INPP5F: variants seen among roughly 807,000 people sequenced by gnomAD.
INPP5F encodes phosphatidylinositide 4-phosphatase SAC2.
In INPP5F, 97 loss-of-function variants were observed where a neutral mutation model predicts 137.2. The observed-to-expected ratio is 0.71, with a 90% CI of 0.60 to 0.84. The LOEUF is 0.84. INPP5F is among the 40% of genes least tolerant of loss of function. INPP5F has a pLI of 0.00. For missense variants in INPP5F, 1,271 were observed against 1,371.9 expected, an observed-to-expected ratio of 0.93 and a Z score of 1.16; for synonymous variants, 504 against 476.9, an observed-to-expected ratio of 1.06 and a Z score of -0.74.
chr10:119,827,986 G>A lies in INPP5F; in HGVS notation c.*206G>A. ...GCATCATTCTAGAATGTGTAGACCT[G>A]AGTAGCTTATACACTACAGAGCACT... On this transcript the variant is annotated 3_prime_UTR_variant, in exon 20 of 20. Coordinates refer to ENST00000650623, the MANE Select transcript of INPP5F (RefSeq NM_014937.4). 1 of 516,932 alleles carries A rather than the reference G, an allele frequency of 1.9e-6. No homozygotes were observed. The highest frequency in any genetic ancestry group is 3.5e-6 in the Non-Finnish European group (1 of 289,380). 32.0% of individuals were successfully genotyped at this position (516,932 alleles called of 1,614,324 possible). A position where few individuals can be genotyped will look rare whatever the true frequency, so the allele number is the denominator to read the frequency against.
intron 1 of INPP5F, among the ~76,000 whole-genome samples, chr10:119,746,297 G>A (rs1459127259): frequency 6.6e-6 from 1 of 152,114 alleles, no homozygotes; most frequent in East Asian, 1.9e-4. Context: ...ATGACTCTCC[G>A]TGACTGCTTT....
At position 119,792,199 on chromosome 10, in the gene INPP5F, C is replaced by G; in HGVS notation, c.655C>G (p.Leu219Val). 1 of 1,612,772 alleles carries G rather than the reference C, an allele frequency of 6.2e-7. No homozygotes were observed. The highest frequency in any genetic ancestry group is 1.1e-5 in the South Asian group (1 of 91,028). ...TTGGAATAAATACATGATACAAGATCTTACTGAGATTGGTGTGAGTAGTTG... is the reference window on the plus strand; with the variant it reads ...TTGGAATAAATACATGATACAAGATGTTACTGAGATTGGTGTGAGTAGTTG... ...FFWNKYMIQD[L>V]TEIGTPDVDF... is the part of the protein sequence containing the mutation. Residue 219 changes from leucine to valine, a missense_variant, in exon 6 of 20, where the codon CTT (leucine) becomes GTT (valine). By Grantham distance (32) the Leu-to-Val change is conservative. This residue lies in a region of INPP5F where 593 missense variants were observed against 712.4 expected (regional missense o/e 0.83). Transcript: ENST00000650623.
intron 1 of INPP5F, among the ~76,000 whole-genome samples, chr10:119,732,493 C>CTTTTT (rs1848104441): frequency 1.7e-5 from 2 of 118,424 alleles, no homozygotes; most frequent in Admixed American, 8.9e-5. Flanking sequence ...TTTCTTTTTT[C>CTTTTT]TTTTTTCTTT....
chr10:119,785,284 C>CTGTTTT (rs1554889589), intron 3 of INPP5F, among the ~76,000 whole-genome samples: 1 of 81,600 alleles, frequency 1.2e-5, no homozygotes, highest in Non-Finnish European at 2.7e-5. Context: ...AACTGCCAGA[C>CTGTTTT]TGTTTTTTTT....
At chr10:119,767,548 A>G (rs1387020236) in intron 2 of INPP5F, among the ~76,000 whole-genome samples, 2 of 152,252 alleles carry the variant, frequency 1.3e-5, no homozygotes, top group Non-Finnish European at 2.9e-5. Flanking sequence ...AAATAGTAAG[A>G]TGATAGTTTG....
chr10:119,734,027 GA>G (rs983136343), intron 1 of INPP5F, among the ~76,000 whole-genome samples: 9 of 152,162 alleles, frequency 5.9e-5, no homozygotes, highest in Admixed American at 5.9e-4. Context: ...CAAAAGACTA[GA>G]ACACACTGCC....
chr10:119,770,096 T>C (rs189969394), intron 2 of INPP5F, among the ~76,000 whole-genome samples: 262 of 152,330 alleles, frequency 1.7e-3, no homozygotes, highest in African/African-American at 6.1e-3. Context: ...CTTGCCCTAC[T>C]GGTCATGCTT....
At chr10:119,762,018 C>T (rs957840183) in intron 2 of INPP5F, among the ~76,000 whole-genome samples, 6 of 152,104 alleles carry the variant, frequency 3.9e-5, no homozygotes, top group African/African-American at 1.4e-4. Context: ...CGAAGTTGGC[C>T]CCGTAGAACC....
chr10:119,784,138 A>G (rs776327997), intron 3 of INPP5F, among the ~76,000 whole-genome samples: 3 of 152,246 alleles, frequency 2.0e-5, no homozygotes, highest in South Asian at 4.1e-4. Context: ...AAATCTTGGT[A>G]TCTATTTCAA....
intron 2 of INPP5F, among the ~76,000 whole-genome samples, chr10:119,771,886 T>A (rs60726108): frequency 0.021 from 719 of 33,548 alleles, 2 homozygotes; most frequent in South Asian, 0.036. Context: ...ATATATATTT[T>A]TTTTTTTTTT....
intron 3 of INPP5F, among the ~76,000 whole-genome samples, chr10:119,783,725 G>A (rs1589709879): frequency 4.6e-5 from 7 of 152,106 alleles, no homozygotes; most frequent in Admixed American, 4.6e-4. Flanking sequence ...TTTCTCTCTC[G>A]ATAGTCTAAG....
chr10:119,796,831 C>G lies in INPP5F; in HGVS notation c.786C>G (p.Pro262=), dbSNP rs1399450247. Residue 262 remains proline (P), a synonymous_variant, in exon 7 of 20, where the codon CCC becomes CCG. Coordinates refer to ENST00000650623, the MANE Select transcript of INPP5F (RefSeq NM_014937.4). Reference sequence around the variant, plus strand: ...ATGAGAAAAGCAGCCCAGAGACCCCCCCTCAGGAGTCCACCTGTGTAGATG... The same window carrying G: ...ATGAGAAAAGCAGCCCAGAGACCCCGCCTCAGGAGTCCACCTGTGTAGATG... ...SDDEKSSPET[P]PQESTCVDDI... 2.5e-6 allele frequency: 4 copies of G among 1,613,654 alleles called. No homozygotes were observed. The highest frequency in any genetic ancestry group is 1.1e-5 in the South Asian group (1 of 90,940).
In INPP5F at chr10:119,826,958, C is replaced by G. The variant is rs751675708; in HGVS notation, c.2577C>G (p.His859Gln). 1 of 1,613,940 alleles carries G rather than the reference C, an allele frequency of 6.2e-7. No individual in the cohort carries two copies. ...TGTCTTCAGATAATGACTCATACCA[C>G]TCTGATGAATTCCTTACAAATTCTA... ...GDMSSDNDSY[H>Q]SDEFLTNSKS... The change falls in exon 20 of 20, where the codon CAC (histidine) becomes CAG (glutamine). Residue 859 changes from histidine (H) to glutamine (Q), a missense_variant. By Grantham distance (24) the His-to-Gln change is conservative. This residue lies in a region of INPP5F where 490 missense variants were observed against 443.7 expected (regional missense o/e 1.10). Transcript: ENST00000650623.
At chr10:119,808,596 C>A (rs750640721) in intron 13 of INPP5F, among the ~76,000 whole-genome samples, 1 of 152,108 alleles carries the variant, frequency 6.6e-6, no homozygotes, top group Non-Finnish European at 1.5e-5. Flanking sequence ...CTCTGACACA[C>A]GTAAATGCGG....
intron 9 of INPP5F, among the ~76,000 whole-genome samples, chr10:119,800,806 T>C (rs533062378): frequency 6.6e-6 from 1 of 151,916 alleles, no homozygotes; most frequent in South Asian, 2.1e-4. Flanking sequence ...AAAAATTAGC[T>C]GGGCACGGTG....
rs1474795377 is a variant in INPP5F, at chr10:119,774,999, T to TA, written c.179-6628dup. Among the ~76,000 whole-genome samples, 8 of 151,920 alleles carry TA rather than the reference T, an allele frequency of 5.3e-5. No homozygotes were observed. The East Asian group carries it at 5.8e-4, about 11-fold the overall frequency. ...TCAGTCTAACACATAGATCAAAAAATAAAAAAAACTAAACTAAGTAAAATT... is the reference window on the plus strand; with the variant it reads ...TCAGTCTAACACATAGATCAAAAAATAAAAAAAAACTAAACTAAGTAAAATT... On this transcript the variant is annotated intron_variant, in intron 2 of 19. Coordinates refer to ENST00000650623, the MANE Select transcript of INPP5F (RefSeq NM_014937.4).
chr10:119,792,991 T>TA (rs1369285347), intron 6 of INPP5F, among the ~76,000 whole-genome samples: 1 of 152,204 alleles, frequency 6.6e-6, no homozygotes, highest in Non-Finnish European at 1.5e-5. Context: ...CTTCGCTAGA[T>TA]ACCCATCAAT....
chr10:119,787,577 CAAAGAAGG>C lies in INPP5F; in HGVS notation c.316-3929_316-3922del, dbSNP rs1031072974. On this transcript the variant is annotated intron_variant, in intron 3 of 19. Coordinates refer to ENST00000650623, the MANE Select transcript of INPP5F (RefSeq NM_014937.4). This position sits in a 1 kb window ranked among gnomAD's most constrained non-coding sequence, Gnocchi z 4.1. ...TGGGTGACAGAGTGCGACTCTGTCT[CAAAGAAGG>C]AAAGAAGGAAGGAAGGAAAGGATAG... Among the ~76,000 whole-genome samples the C allele has an allele frequency of 2.3e-5, 3 of 130,440 alleles. No homozygotes were observed. Among genetic ancestry groups the C allele is most frequent in the South Asian group, 2.5e-4 (1 of 3,986 alleles). 85.6% of individuals were successfully genotyped at this position (130,440 alleles called of 152,430 possible).
chr10:119,790,331 C>G (rs1319350995), intron 3 of INPP5F, among the ~76,000 whole-genome samples: 2 of 152,150 alleles, frequency 1.3e-5, no homozygotes, highest in African/African-American at 2.4e-5. Flanking sequence ...GTGAGCTGTT[C>G]TGGTAATAGG....
Sources: gnomAD v4.1 joint callset for allele counts (sites outside exome capture counted in the v4.1 genomes callset) on GRCh38, gnomAD v4.1.1 for gene constraint, gnomAD v4.1.1 regional missense constraint, Gnocchi (gnomAD v3.1) non-coding constraint, MANE v1.5 for transcripts, NCBI Gene and HGNC (gene_info 2026-07-23, HGNC 2026-07-21) for gene names.